The following CPNE7 variants were observed in gnomAD, a reference collection of about 807,000 sequenced individuals.
CPNE7 encodes the protein copine-7.
Under a neutral mutation model 66.5 loss-of-function variants are expected in CPNE7, and 78 were observed. That is an observed-to-expected ratio of 1.17 (90% CI 0.98 to 1.42). The LOEUF (loss-of-function observed/expected upper bound fraction) is 1.42, where lower values mean the gene tolerates loss of function less well. CPNE7 is among the 40% of genes most tolerant of loss of function. The pLI, the probability that CPNE7 is intolerant of heterozygous loss-of-function variation, is 0.00. For missense variants in CPNE7, 1,012 were observed against 776.6 expected (o/e 1.30, Z -3.60); for synonymous variants, 468 against 336.7 (o/e 1.39, Z -4.27).
In CPNE7 at chr16:89,576,013, T is replaced by A; in HGVS notation, c.116T>A (p.Leu39His). ...SCRHLLDRDP[L>H]TKSDPSVALL... is the part of the protein sequence containing the mutation. ...CGGCACCTGCTGGACCGCGACCCGC[T>A]CACCAAGTCCGACCCCAGCGTGGCG... is the stretch of plus-strand genomic sequence containing the variant. The change falls in exon 1 of 15, where the codon CTC becomes CAC. Residue 39 changes from leucine to histidine, a missense_variant. By Grantham distance (99) the Leu-to-His change is moderately conservative. Coordinates refer to ENST00000319518, the MANE Select transcript of CPNE7 (RefSeq NM_153636.3). 7.3e-7 allele frequency: 1 copy of A among 1,364,634 alleles called. No homozygotes were observed. The highest frequency in any genetic ancestry group is 9.5e-7 in the Non-Finnish European group (1 of 1,057,928). 84.5% of individuals were successfully genotyped at this position (1,364,634 alleles called of 1,614,324 possible). A position where few individuals can be genotyped will look rare whatever the true frequency, so the allele number is the denominator to read the frequency against.
intron 2 of CPNE7, 34 bp downstream of exon 2, chr16:89,577,755 G>T (rs578025330): frequency 6.4e-7 from 1 of 1,550,896 alleles, no homozygotes; most frequent in African/African-American, 1.4e-5. Context: ...GGAGGAGGAC[G>T]GTTGGCGTGG....
intron 13 of CPNE7, 32 bp downstream of exon 13, chr16:89,591,292 G>C: frequency 6.5e-7 from 1 of 1,531,648 alleles, no homozygotes; most frequent in Non-Finnish European, 8.8e-7. Context: ...TGCATGCTTG[G>C]TGTGGGGTCG....
At chr16:89,581,316 C>A (rs404121) in intron 2 of CPNE7, among the ~76,000 whole-genome samples, 1 of 149,488 alleles carries the variant, frequency 6.7e-6, no homozygotes, top group Non-Finnish European at 1.5e-5. Flanking sequence ...ACCCATCACA[C>A]GGAACATCCC....
At chr16:89,581,991 C>T (rs563903312) in intron 2 of CPNE7, among the ~76,000 whole-genome samples, 11 of 152,354 alleles carry the variant, frequency 7.2e-5, no homozygotes, top group South Asian at 4.1e-4. Context: ...TGTCATAATC[C>T]GTGCAGGACA....
chr16:89,586,867 C>A, intron 8 of CPNE7, 111 bp downstream of exon 8: 1 of 1,170,036 alleles, frequency 8.5e-7, no homozygotes, highest in Non-Finnish European at 1.3e-6. Context: ...CCCAGCACGT[C>A]TGGGGAGGGG....
chr16:89,594,642 CTTTT>C (rs57032352), intron 13 of CPNE7, among the ~76,000 whole-genome samples: 7 of 86,888 alleles, frequency 8.1e-5, no homozygotes, highest in African/African-American at 8.6e-5. Context: ...TCCATTCTGC[CTTTT>C]TTTTTTTTTT....
intron 1 of CPNE7, among the ~76,000 whole-genome samples, chr16:89,576,980 C>A (rs1479148584): frequency 6.6e-6 from 1 of 152,198 alleles, no homozygotes; most frequent in African/African-American, 2.4e-5. Flanking sequence ...AGGCCTCGTG[C>A]CCGCACCCTC....
chr16:89,578,794 G>A, intron 2 of CPNE7: 2 of 1,486,250 alleles, frequency 1.3e-6, no homozygotes, highest in South Asian at 1.3e-5. Flanking sequence ...CTCCTTGTGA[G>A]CAGCAGGTCC....
Position 89,585,742 on chromosome 16 carries a change from C to T in CPNE7, c.737C>T (p.Ser246Phe). ...RGKHDFIGEF[S>F]TTFEEMQKAF... is the part of the protein sequence containing the mutation. ...AAGCACGACTTCATCGGAGAATTCT[C>T]TACCACCTTCGAGGAGATGCAGAAG... Residue 246 changes from serine (S) to phenylalanine (F), a missense_variant, in exon 7 of 15, where the codon TCT becomes TTT. Coordinates refer to ENST00000319518, the MANE Select transcript of CPNE7 (RefSeq NM_153636.3). 1 of 1,544,932 alleles carries T rather than the reference C, an allele frequency of 6.5e-7. No individual in the cohort carries two copies. The highest frequency in any genetic ancestry group is 2.5e-5 in the East Asian group (1 of 40,814).
chr16:89,595,783 C>A, intron 14 of CPNE7, 180 bp downstream of exon 14: 2 of 711,732 alleles, frequency 2.8e-6, no homozygotes, highest in Non-Finnish European at 5.1e-6. Flanking sequence ...ACTTTGAGCA[C>A]CTGAAACACC....
chr16:89,589,433 C>T (rs1027532565), intron 10 of CPNE7, among the ~76,000 whole-genome samples: 4 of 152,190 alleles, frequency 2.6e-5, no homozygotes, highest in African/African-American at 4.8e-5. Context: ...GGGGCTCACC[C>T]GCGTATGCTT....
intron 14 of CPNE7, 57 bp downstream of exon 14, chr16:89,595,660 C>T (rs568291909): frequency 9.0e-6 from 13 of 1,439,096 alleles, no homozygotes; most frequent in Non-Finnish European, 1.3e-5. Context: ...GTTCATGTCA[C>T]TGCCCAAGAC....
intron 10 of CPNE7, among the ~76,000 whole-genome samples, chr16:89,589,421 T>G (rs2059136202): frequency 1.3e-5 from 2 of 152,194 alleles, no homozygotes; most frequent in South Asian, 2.1e-4. Context: ...TCACAGAGGC[T>G]TGGGGCTCAC....
At chr16:89,590,592 T>G (rs921416707) in intron 11 of CPNE7, among the ~76,000 whole-genome samples, 5 of 150,850 alleles carry the variant, frequency 3.3e-5, no homozygotes, top group Non-Finnish European at 5.9e-5. Flanking sequence ...GTGTGGGGAT[T>G]TATTGGCTAA....
intron 10 of CPNE7, among the ~76,000 whole-genome samples, chr16:89,589,206 C>T (rs562888215): frequency 8.5e-5 from 13 of 152,276 alleles, no homozygotes; most frequent in East Asian, 1.9e-4. Context: ...GCAGGAGAAT[C>T]ACTGGAACCC....
chr16:89,584,692 C>G lies in CPNE7; in HGVS notation c.508-82C>G. ...TTAGCGGCTGGTGGCATGAAGTGAG[C>G]CCTGGGAAACGACAAAGCCAGCTCC... On this transcript the variant is annotated intron_variant, in intron 4 of 14. Transcript: ENST00000319518. This position sits in a 1 kb window ranked among gnomAD's most constrained non-coding sequence, Gnocchi z 6.0. The G allele has an allele frequency of 9.8e-7, 1 of 1,020,540 alleles. No homozygotes were observed. The highest frequency in any genetic ancestry group is 1.5e-6 in the Non-Finnish European group (1 of 665,582). The allele number at this position is 1,020,540 out of a possible 1,614,324, so 63.2% of individuals were successfully genotyped here.
intron 11 of CPNE7, 74 bp downstream of exon 11, chr16:89,590,025 C>T: frequency 6.5e-7 from 1 of 1,540,484 alleles, no homozygotes; most frequent in Non-Finnish European, 8.9e-7. Context: ...ACGGCCTGGC[C>T]CAGGGAGCCC....
chr16:89,582,701 C>G (rs1056931301), intron 2 of CPNE7, among the ~76,000 whole-genome samples: 2 of 152,268 alleles, frequency 1.3e-5, no homozygotes, highest in Non-Finnish European at 2.9e-5. Flanking sequence ...GCCGCATGCT[C>G]AGAAGCTGCT....
intron 2 of CPNE7, among the ~76,000 whole-genome samples, chr16:89,579,343 G>A (rs2058911016): frequency 6.6e-6 from 1 of 152,032 alleles, no homozygotes; most frequent in Non-Finnish European, 1.5e-5. Flanking sequence ...GGTTGAGAAT[G>A]ACAAGTTTAG....
Sources: allele counts gnomAD v4.1 joint callset (sites outside exome capture counted in the v4.1 genomes callset), GRCh38; gene constraint gnomAD v4.1.1; non-coding constraint Gnocchi (gnomAD v3.1); transcripts MANE v1.5; gene names NCBI Gene and HGNC (gene_info 2026-07-23, HGNC 2026-07-21).